The following MAGI1 variants were observed in gnomAD, a reference collection of about 807,000 sequenced individuals.
The protein encoded by MAGI1 is membrane associated guanylate kinase, WW and PDZ domain containing 1.
MAGI1 carries 58 observed loss-of-function variants against 139.9 expected under a neutral mutation model. That is an observed-to-expected ratio of 0.41 (90% confidence interval 0.34 to 0.52). The LOEUF is 0.52. Among genes scored for constraint, MAGI1 ranks in the 20% least tolerant of loss-of-function variants. The pLI, the probability that MAGI1 is intolerant of heterozygous loss-of-function variation, is 0.12. For synonymous variants in MAGI1, 812 were observed against 737.9 expected, an observed-to-expected ratio of 1.10 and a Z score of -1.63; for missense variants, 1,874 against 1,901.6, an observed-to-expected ratio of 0.99 and a Z score of 0.27.
intron 13 of MAGI1, among the ~76,000 whole-genome samples, chr3:65,392,879 T>C (rs898826675): frequency 2.6e-5 from 4 of 152,180 alleles, no homozygotes; most frequent in Non-Finnish European, 4.4e-5. Context: ...TGTTTAAAAT[T>C]ATACTTGATG....
chr3:65,775,008 A>G (rs1414656593), intron 1 of MAGI1, among the ~76,000 whole-genome samples: 1 of 152,240 alleles, frequency 6.6e-6, no homozygotes, highest in Non-Finnish European at 1.5e-5. Context: ...CCAGCATACA[A>G]TAAGAGCTCA....
At chr3:65,981,273 T>C (rs934117053) in intron 1 of MAGI1, among the ~76,000 whole-genome samples, 2 of 152,224 alleles carry the variant, frequency 1.3e-5, no homozygotes, top group Non-Finnish European at 2.9e-5. Flanking sequence ...ATAGCTCCAC[T>C]GTAGAACATT....
intron 1 of MAGI1, among the ~76,000 whole-genome samples, chr3:65,845,597 G>A (rs764792548): frequency 7.2e-5 from 11 of 152,082 alleles, no homozygotes; most frequent in Non-Finnish European, 1.5e-4. Flanking sequence ...GTTTCCAGCC[G>A]GGTCCAAACA....
intron 1 of MAGI1, chr3:65,902,577 C>T (rs2061276893): frequency 2.0e-5 from 3 of 152,702 alleles, no homozygotes; most frequent in Admixed American, 2.0e-4. Context: ...TGTGAAAAGA[C>T]AGAGCTTGAG....
chr3:65,933,135 T>A (rs2106751111), intron 1 of MAGI1, among the ~76,000 whole-genome samples: 1 of 152,288 alleles, frequency 6.6e-6, no homozygotes, highest in Non-Finnish European at 1.5e-5. Flanking sequence ...AACTCAATAT[T>A]AATCCACTTG....
At chr3:65,436,819 A>G (rs1282784495) in intron 10 of MAGI1, among the ~76,000 whole-genome samples, 1 of 152,024 alleles carries the variant, frequency 6.6e-6, no homozygotes. Flanking sequence ...TGGCCAGGGG[A>G]CATCTCACAA....
Position 65,849,001 on chromosome 3 carries a change from C to CTTTTTTTTTT in MAGI1, c.313+188985_313+188994dup, listed in dbSNP as rs558270441. 1.1e-3 allele frequency among the ~76,000 whole-genome samples: 45 copies of CTTTTTTTTTT among 39,644 alleles called. 5 individuals carry two copies. The highest frequency in any genetic ancestry group is 2.6e-3 in the South Asian group (2 of 762). The allele number at this position is 39,644 out of a possible 152,430, so 26.0% of individuals were successfully genotyped here. On this transcript the variant is annotated intron_variant, in intron 1 of 22. Transcript: ENST00000402939. The stretch of plus-strand genomic sequence containing the variant: ...GCAGCTCAAGACTATTCAGAGCATT[C>CTTTTTTTTTT]TTTTTTTTTTTTTTTTTTTTTTTTT...
intron 1 of MAGI1, among the ~76,000 whole-genome samples, chr3:65,826,212 T>C (rs2042221883): frequency 6.6e-6 from 1 of 152,142 alleles, no homozygotes; most frequent in Non-Finnish European, 1.5e-5. Context: ...TAATTTTACT[T>C]TTCTGAATTT....
chr3:65,485,845 C>CTGAT (rs1451828896), intron 3 of MAGI1, among the ~76,000 whole-genome samples: 6 of 152,216 alleles, frequency 3.9e-5, no homozygotes, highest in Admixed American at 2.6e-4. Context: ...TAGTCTGTCT[C>CTGAT]TGACATCTAC....
intron 22 of MAGI1, chr3:65,359,801 C>T: frequency 1.0e-6 from 1 of 985,722 alleles, no homozygotes; most frequent in South Asian, 4.7e-5. Flanking sequence ...GTTGGATTTT[C>T]ATCCTCAGTG....
At chr3:65,915,452 C>T (rs1014029026) in intron 1 of MAGI1, among the ~76,000 whole-genome samples, 1 of 152,224 alleles carries the variant, frequency 6.6e-6, no homozygotes, top group Non-Finnish European at 1.5e-5. Context: ...AGCAGATGAT[C>T]TGCACACTTG....
intron 1 of MAGI1, among the ~76,000 whole-genome samples, chr3:65,622,372 ATG>A (rs1229080821): frequency 6.6e-6 from 1 of 152,230 alleles, no homozygotes; most frequent in East Asian, 1.9e-4. Flanking sequence ...ACATTTAAAT[ATG>A]TGCCATAGAC....
At position 65,652,940 on chromosome 3, in the gene MAGI1, A is replaced by G. The variant is rs1183724238; in HGVS notation, c.314-30852T>C. Among the ~76,000 whole-genome samples the G allele has an allele frequency of 2.6e-5, 4 of 152,168 alleles. 1 individual carries two copies. The South Asian group carries it at 6.2e-4, about 24-fold the overall frequency. ...AGCTATAGTCCTGGCCTAAGTTACT[A>G]TCAAAAATATGACCACCTATTAGCC... is the stretch of plus-strand genomic sequence containing the variant. On this transcript the variant is annotated intron_variant, in intron 1 of 22. Transcript: ENST00000402939.
chr3:65,945,751 C>T (rs2063518960), intron 1 of MAGI1, among the ~76,000 whole-genome samples: 1 of 152,222 alleles, frequency 6.6e-6, no homozygotes, highest in Non-Finnish European at 1.5e-5. Context: ...CACAGGGCAT[C>T]CCTGGAGTCT....
chr3:65,882,299 G>C lies in MAGI1; in HGVS notation c.313+155697C>G, dbSNP rs181615524. On this transcript the variant is annotated intron_variant, in intron 1 of 22. Transcript: ENST00000402939. ...AGAAGAAAAAGCTGTTTACTACATG[G>C]ACACAAAAGACAAAGCTGAAGAAAT... 2.9e-3 allele frequency among the ~76,000 whole-genome samples: 447 copies of C among 152,292 alleles called. 1 individual carries two copies. Among genetic ancestry groups the C allele is most frequent in the African/African-American group, 0.01 (421 of 41,562 alleles).
chr3:65,424,676 G>A (rs1946877835), intron 12 of MAGI1, among the ~76,000 whole-genome samples: 1 of 152,084 alleles, frequency 6.6e-6, no homozygotes, highest in South Asian at 2.1e-4. Context: ...ATGGACCTTA[G>A]GGAAGACTGA....
chr3:65,687,821 G>A, intron 1 of MAGI1: 2 of 597,894 alleles, frequency 3.3e-6, no homozygotes, highest in Non-Finnish European at 6.6e-6. Flanking sequence ...ATGCTACAGT[G>A]AAGACTGTCA....
At chr3:65,774,625 A>T (rs529552927) in intron 1 of MAGI1, among the ~76,000 whole-genome samples, 1 of 152,308 alleles carries the variant, frequency 6.6e-6, no homozygotes, top group South Asian at 2.1e-4. Context: ...CTGTGCACCC[A>T]TTCTTAACCC....
At chr3:65,594,530 G>A (rs928056755) in intron 2 of MAGI1, among the ~76,000 whole-genome samples, 10 of 152,210 alleles carry the variant, frequency 6.6e-5, no homozygotes, top group African/African-American at 2.4e-4. Context: ...CAGAGTTACT[G>A]AATTAATGGC....
Sources: gnomAD v4.1 joint callset for allele counts (sites outside exome capture counted in the v4.1 genomes callset) on GRCh38, gnomAD v4.1.1 for gene constraint, MANE v1.5 for transcripts, NCBI Gene and HGNC (gene_info 2026-07-23, HGNC 2026-07-21) for gene names.